Variants in GPC6 observed in about 807,000 individuals in gnomAD.
The protein encoded by GPC6 is glypican 6.
In GPC6, 14 loss-of-function variants were observed where a neutral mutation model predicts 55.2. The ratio of observed to expected loss-of-function variants is 0.25; its 90% confidence interval spans 0.17 to 0.40. The LOEUF is 0.40. Among genes scored for constraint, GPC6 ranks in the 10% least tolerant of loss-of-function variants. The pLI, the probability that GPC6 is intolerant of heterozygous loss-of-function variation, is 1.00. For missense variants in GPC6, 641 were observed against 708.5 expected (o/e 0.90, Z 1.08); for synonymous variants, 278 against 259.6 (o/e 1.07, Z -0.68).
intron 1 of GPC6, among the ~76,000 whole-genome samples, chr13:93,291,416 G>C (rs1415169661): frequency 2.0e-5 from 3 of 152,132 alleles, no homozygotes; most frequent in Non-Finnish European, 4.4e-5. Context: ...CGTAGACACT[G>C]CTACTCAGTG....
At chr13:93,795,116 T>C (rs1390719223) in intron 2 of GPC6, among the ~76,000 whole-genome samples, 1 of 152,126 alleles carries the variant, frequency 6.6e-6, no homozygotes, top group Non-Finnish European at 1.5e-5. Flanking sequence ...ATGAAAGAAT[T>C]CAGGGTGAGT....
At chr13:93,710,937 A>C (rs557703210) in intron 2 of GPC6, among the ~76,000 whole-genome samples, 6 of 151,960 alleles carry the variant, frequency 3.9e-5, no homozygotes, top group Admixed American at 2.0e-4. Flanking sequence ...ACTCAATGTT[A>C]AAAATAAATT....
intron 4 of GPC6, among the ~76,000 whole-genome samples, chr13:94,057,293 A>G (rs949288977): frequency 2.6e-5 from 4 of 152,162 alleles, no homozygotes; most frequent in Non-Finnish European, 5.9e-5. Flanking sequence ...TCATATGCAG[A>G]TTGTTTAAAA....
chr13:93,912,567 C>T (rs1412953399), intron 3 of GPC6, among the ~76,000 whole-genome samples: 3 of 152,036 alleles, frequency 2.0e-5, no homozygotes, highest in African/African-American at 4.8e-5. Context: ...CACGGTGAAA[C>T]CCCATCTCTA....
intron 1 of GPC6, among the ~76,000 whole-genome samples, chr13:93,261,272 G>A (rs1240348586): frequency 6.6e-6 from 1 of 152,116 alleles, no homozygotes; most frequent in Non-Finnish European, 1.5e-5. Flanking sequence ...TTTATGGTAG[G>A]AAACATTGGG....
chr13:93,417,059 T>C (rs1245635119), intron 1 of GPC6, among the ~76,000 whole-genome samples: 1 of 152,156 alleles, frequency 6.6e-6, no homozygotes, highest in African/African-American at 2.4e-5. Flanking sequence ...ATTCCATTGC[T>C]CTGTTTTTAT....
intron 3 of GPC6, among the ~76,000 whole-genome samples, chr13:93,875,158 C>T (rs1436218226): frequency 6.6e-6 from 1 of 151,994 alleles, no homozygotes; most frequent in Non-Finnish European, 1.5e-5. Context: ...GTGAAGGCCC[C>T]TCAAGTATTC....
At position 93,439,944 on chromosome 13, in the gene GPC6, G is replaced by C. The variant is rs1877726283; in HGVS notation, c.161-105319G>C. On this transcript the variant is annotated intron_variant, in intron 1 of 8. Coordinates refer to ENST00000377047, the MANE Select transcript of GPC6 (RefSeq NM_005708.5). ...TGACAATGGCACAAAATAATTAATA[G>C]TTTTATTGTAAATGTTTAATAACTG... 2.0e-5 allele frequency among the ~76,000 whole-genome samples: 3 copies of C among 152,142 alleles called. No individual in the cohort carries two copies. In the South Asian group the frequency reaches 6.2e-4, roughly 32 times the overall value.
At chr13:94,152,323 A>T (rs892942546) in intron 4 of GPC6, among the ~76,000 whole-genome samples, 1 of 152,212 alleles carries the variant, frequency 6.6e-6, no homozygotes, top group Non-Finnish European at 1.5e-5. Context: ...GACATATAAC[A>T]TGAGTTTGAA....
At chr13:94,401,944 T>TGATAGATAGATAGATA (rs200622525) in intron 8 of GPC6, among the ~76,000 whole-genome samples, 1 of 149,748 alleles carries the variant, frequency 6.7e-6, no homozygotes, top group African/African-American at 2.4e-5. Context: ...ATTGATTGAT[T>TGATAGATAGATAGATA]GATAGATAGA....
At chr13:94,112,694 G>A (rs1350957880) in intron 4 of GPC6, among the ~76,000 whole-genome samples, 1 of 152,120 alleles carries the variant, frequency 6.6e-6, no homozygotes, top group Non-Finnish European at 1.5e-5. Flanking sequence ...TCTTAAGTAT[G>A]ACTGGCACAT....
At chr13:93,464,796 A>C (rs1200768457) in intron 1 of GPC6, among the ~76,000 whole-genome samples, 2 of 152,180 alleles carry the variant, frequency 1.3e-5, no homozygotes, top group East Asian at 3.8e-4. Context: ...GAGGTTTTCA[A>C]TTGACTTTGG....
At chr13:93,553,972 T>TAGA (rs1875310413) in intron 2 of GPC6, among the ~76,000 whole-genome samples, 1 of 134,140 alleles carries the variant, frequency 7.5e-6, no homozygotes, top group African/African-American at 2.9e-5. Context: ...CCGTCTCTAC[T>TAGA]AAAAAAAAAA....
intron 3 of GPC6, among the ~76,000 whole-genome samples, chr13:93,965,108 T>A (rs1409122514): frequency 1.5e-4 from 3 of 20,576 alleles, no homozygotes; most frequent in African/African-American, 5.5e-4. Context: ...ATGAGTTTGT[T>A]TTTTTTTTTT....
chr13:94,329,777 C>A (rs1433954926), intron 6 of GPC6, among the ~76,000 whole-genome samples: 1 of 152,010 alleles, frequency 6.6e-6, no homozygotes, highest in Non-Finnish European at 1.5e-5. Context: ...CTCCTTCCTC[C>A]TACTCCTCCT....
At chr13:93,970,636 C>A (rs910325244) in intron 3 of GPC6, among the ~76,000 whole-genome samples, 4 of 152,256 alleles carry the variant, frequency 2.6e-5, no homozygotes, top group Admixed American at 1.3e-4. Context: ...GACCATGGAA[C>A]CTCCGGTCAC....
At chr13:94,022,002 T>C (rs1198349724) in intron 3 of GPC6, among the ~76,000 whole-genome samples, 1 of 152,096 alleles carries the variant, frequency 6.6e-6, no homozygotes, top group Non-Finnish European at 1.5e-5. Context: ...TATATCATGA[T>C]GTTTAAGATA....
intron 1 of GPC6, among the ~76,000 whole-genome samples, chr13:93,439,357 A>T (rs1275336686): frequency 6.6e-6 from 1 of 152,082 alleles, no homozygotes; most frequent in African/African-American, 2.4e-5. Context: ...TAATTGAATC[A>T]TGGGAGTTCT....
intron 1 of GPC6, among the ~76,000 whole-genome samples, chr13:93,471,857 G>A (rs1879132998): frequency 6.6e-6 from 1 of 152,082 alleles, no homozygotes; most frequent in African/African-American, 2.4e-5. Flanking sequence ...TGCTGTTGTT[G>A]GGCAGAGTAA....
Sources: gnomAD v4.1 joint callset for allele counts (sites outside exome capture counted in the v4.1 genomes callset) on GRCh38, gnomAD v4.1.1 for gene constraint, MANE v1.5 for transcripts, NCBI Gene and HGNC (gene_info 2026-07-23, HGNC 2026-07-21) for gene names.